ABCG1: variants seen among roughly 807,000 people sequenced by gnomAD.
The protein encoded by ABCG1 is ATP-binding cassette sub-family G member 1.
ABCG1 carries 29 observed loss-of-function variants against 69.2 expected under a neutral mutation model. That is an observed-to-expected ratio of 0.42 (90% confidence interval 0.31 to 0.57). ABCG1 has a LOEUF of 0.57. ABCG1 is among the 20% of genes least tolerant of loss of function. The pLI, the probability that ABCG1 is intolerant of heterozygous loss-of-function variation, is 0.15. For synonymous variants in ABCG1, 370 were observed against 374.8 expected (o/e 0.99, Z 0.15); for missense variants, 718 against 898.1 (o/e 0.80, Z 2.56).
At chr21:42,278,887 A>G (rs1463491424) in intron 5 of ABCG1, among the ~76,000 whole-genome samples, 3 of 151,648 alleles carry the variant, frequency 2.0e-5, no homozygotes, top group Non-Finnish European at 4.4e-5. Context: ...CAGTTTTGCC[A>G]CCCCCCAGTC....
chr21:42,236,556 C>G (rs1239661525), intron 2 of ABCG1, among the ~76,000 whole-genome samples: 3 of 152,250 alleles, frequency 2.0e-5, no homozygotes, highest in African/African-American at 7.2e-5. Context: ...TTTGCTCAAC[C>G]TTTTGGGCTC....
At position 42,276,721 on chromosome 21, in the gene ABCG1, C is replaced by A; in HGVS notation, c.538-174C>A. ...ACTAGTGGCACCGTGGCTAGCTGCA[C>A]CGTGGCTAGCGGCATTGTGGCTAGC... is the stretch of plus-strand genomic sequence containing the variant. On this transcript the variant is annotated intron_variant, in intron 4 of 14. Transcript: ENST00000398449. The surrounding 1 kb of genome is among the most constrained non-coding windows in gnomAD (Gnocchi z 5.3). The A allele has an allele frequency of 1.5e-6, 1 of 648,986 alleles. No individual in the cohort carries two copies. 40.2% of individuals were successfully genotyped at this position (648,986 alleles called of 1,614,324 possible).
chr21:42,225,661 G>T lies in ABCG1; in HGVS notation c.43-10G>T, dbSNP rs2067803407. The T allele has an allele frequency of 1.2e-6, 2 of 1,610,792 alleles. No individual in the cohort carries two copies. The highest frequency in any genetic ancestry group is 1.3e-5 in the African/African-American group (1 of 74,360). On this transcript the variant is annotated splice_polypyrimidine_tract_variant and intron_variant, in intron 1 of 14. Coordinates refer to ENST00000398449, the MANE Select transcript of ABCG1 (RefSeq NM_016818.3). The stretch of plus-strand genomic sequence containing the variant: ...ATAACAGGTCTTGTTGCTTCCTCTG[G>T]TTTTTCTAGAATGCCAGCAGTTACT...
At chr21:42,231,501 A>T (rs1369561020) in intron 2 of ABCG1, among the ~76,000 whole-genome samples, 1 of 152,214 alleles carries the variant, frequency 6.6e-6, no homozygotes, top group Non-Finnish European at 1.5e-5. Context: ...ATGCATTTGG[A>T]CACCTTTCTC....
intron 1 of ABCG1, among the ~76,000 whole-genome samples, chr21:42,200,764 T>A (rs1227067594): frequency 6.6e-6 from 1 of 151,936 alleles, no homozygotes; most frequent in East Asian, 1.9e-4. Context: ...ATCTTTTGTA[T>A]TTTTAGTAGA....
intron 14 of ABCG1, chr21:42,295,047 G>T: frequency 4.9e-6 from 1 of 205,248 alleles, no homozygotes; most frequent in Admixed American, 5.3e-5. Flanking sequence ...GGAGTCAGGC[G>T]TGGTGGCTCA....
At chr21:42,264,131 G>A (rs1240596704) in intron 2 of ABCG1, among the ~76,000 whole-genome samples, 1 of 152,158 alleles carries the variant, frequency 6.6e-6, no homozygotes, top group African/African-American at 2.4e-5. Flanking sequence ...CTCATCTGGG[G>A]TGCCTGGTTT....
At chr21:42,260,810 C>T (rs2123688526) in intron 2 of ABCG1, among the ~76,000 whole-genome samples, 1 of 152,174 alleles carries the variant, frequency 6.6e-6, no homozygotes, top group East Asian at 1.9e-4. Context: ...CAGCTGTGTG[C>T]CTCCCTCTCT....
In ABCG1 at chr21:42,291,743, C is replaced by T; in HGVS notation, c.1653+87C>T. 1.4e-6 allele frequency: 2 copies of T among 1,405,494 alleles called. No individual in the cohort carries two copies. The highest frequency in any genetic ancestry group is 1.9e-6 in the Non-Finnish European group (2 of 1,058,874). 87.1% of individuals were successfully genotyped at this position (1,405,494 alleles called of 1,614,324 possible). A position where few individuals can be genotyped will look rare whatever the true frequency, so the allele number is the denominator to read the frequency against. ...CCTGAGCTAGGGGGCTCTGCCACCC[C>T]TTCCCCTACTTCTGCCCTGACCCTC... On this transcript the variant is annotated intron_variant, in intron 13 of 14. Transcript: ENST00000398449. The surrounding 1 kb of genome is among the most constrained non-coding windows in gnomAD (Gnocchi z 6.4).
At chr21:42,266,084 G>A (rs1243176242) in intron 2 of ABCG1, among the ~76,000 whole-genome samples, 3 of 152,106 alleles carry the variant, frequency 2.0e-5, no homozygotes, top group African/African-American at 4.8e-5. Context: ...GGCGGATCAC[G>A]AGGTCAGGAG....
At chr21:42,251,917 T>C (rs1477248460) in intron 2 of ABCG1, among the ~76,000 whole-genome samples, 2 of 152,202 alleles carry the variant, frequency 1.3e-5, no homozygotes, top group African/African-American at 2.4e-5. Context: ...GGCTTGCATG[T>C]GGCATCATCT....
chr21:42,230,620 G>A (rs567596014), intron 2 of ABCG1, among the ~76,000 whole-genome samples: 30 of 152,310 alleles, frequency 2.0e-4, no homozygotes, highest in Non-Finnish European at 3.7e-4. Context: ...AAAGATGATG[G>A]GGATGAGCAG....
chr21:42,216,471 CCTT>C (rs1442932093), upstream of ABCG1, among the ~76,000 whole-genome samples: 2 of 152,176 alleles, frequency 1.3e-5, no homozygotes, highest in African/African-American at 4.8e-5. Flanking sequence ...TTGGGGTTAA[CCTT>C]CTCATTTCAT....
Position 42,276,687 on chromosome 21 carries a change from TGCACCGTGACTAGTG to T in ABCG1, c.538-199_538-185del. 1.7e-6 allele frequency: 1 copy of T among 579,930 alleles called. No homozygotes were observed. The highest frequency in any genetic ancestry group is 2.1e-5 in the African/African-American group (1 of 46,528). The allele number at this position is 579,930 out of a possible 1,614,324, so 35.9% of individuals were successfully genotyped here. On this transcript the variant is annotated intron_variant, in intron 4 of 14. Coordinates refer to ENST00000398449, the MANE Select transcript of ABCG1 (RefSeq NM_016818.3). The surrounding 1 kb of genome is among the most constrained non-coding windows in gnomAD (Gnocchi z 5.3). ...TATGCCTAGCTGCACTGTGGATAGC[TGCACCGTGACTAGTG>T]GCACCGTGGCTAGCTGCACCGTGGC...
chr21:42,244,421 G>C (rs2068102270), intron 2 of ABCG1, among the ~76,000 whole-genome samples: 1 of 152,192 alleles, frequency 6.6e-6, no homozygotes, highest in Non-Finnish European at 1.5e-5. Context: ...CCAGCTCTCA[G>C]GACCAGATTA....
intron 1 of ABCG1, among the ~76,000 whole-genome samples, chr21:42,200,596 C>CT (rs200131320): frequency 0.095 from 13,176 of 138,614 alleles, 676 homozygotes; most frequent in East Asian, 0.21. Flanking sequence ...TTATGTTGCA[C>CT]TTTTTTTTTT....
upstream of ABCG1, among the ~76,000 whole-genome samples, chr21:42,215,707 A>C (rs1027767200): frequency 8.5e-5 from 13 of 152,178 alleles, no homozygotes; most frequent in Non-Finnish European, 1.8e-4. Context: ...GCCACACTGG[A>C]GAGACTGGGG....
At position 42,291,045 on chromosome 21, in the gene ABCG1, G is replaced by A. The variant is rs778034912; in HGVS notation, c.1394-47G>A. On this transcript the variant is annotated intron_variant, in intron 11 of 14. Transcript: ENST00000398449. The surrounding 1 kb of genome is among the most constrained non-coding windows in gnomAD (Gnocchi z 6.4). ...GCCTGTTGGGATGTTAAACGGGCTC[G>A]CTGCACATGGTCACTGACCCTTCTT... is the stretch of plus-strand genomic sequence containing the variant. The A allele has an allele frequency of 1.4e-5, 21 of 1,451,198 alleles. No homozygotes were observed. The highest frequency in any genetic ancestry group is 9.8e-5 in the African/African-American group (7 of 71,664). 89.9% of individuals were successfully genotyped at this position (1,451,198 alleles called of 1,614,324 possible). A position where few individuals can be genotyped will look rare whatever the true frequency, so the allele number is the denominator to read the frequency against.
At chr21:42,201,680 T>C (rs766062888) in exon 2 of ABCG1, 1 of 1,612,748 alleles carries the variant, frequency 6.2e-7, no homozygotes, top group Non-Finnish European at 8.5e-7. Flanking sequence ...TTCTTGATGC[T>C]GGGAACGCAG....
Sources: gnomAD v4.1 joint callset for allele counts (sites outside exome capture counted in the v4.1 genomes callset) on GRCh38, gnomAD v4.1.1 for gene constraint, Gnocchi (gnomAD v3.1) non-coding constraint, MANE v1.5 for transcripts, NCBI Gene and HGNC (gene_info 2026-07-23, HGNC 2026-07-21) for gene names.